Variants in PDGFC observed in about 807,000 individuals in gnomAD.
PDGFC encodes platelet derived growth factor C.
Under a neutral mutation model 35.5 loss-of-function variants are expected in PDGFC, and 12 were observed. The observed-to-expected ratio is 0.34, with a 90% CI of 0.22 to 0.55. PDGFC has a LOEUF of 0.55. PDGFC is among the 20% of genes least tolerant of loss of function. PDGFC has a pLI of 0.91. For missense variants in PDGFC, 322 were observed against 412.4 expected (o/e 0.78, Z 1.90); for synonymous variants, 159 against 148.8 (o/e 1.07, Z -0.50).
intron 1 of PDGFC, among the ~76,000 whole-genome samples, chr4:156,860,095 T>C (rs1729674480): frequency 6.6e-6 from 1 of 152,174 alleles, no homozygotes; most frequent in South Asian, 2.1e-4. Flanking sequence ...ACATATGCTT[T>C]TATTCAAAAT....
At chr4:156,864,184 A>G (rs1009723614) in intron 1 of PDGFC, among the ~76,000 whole-genome samples, 9 of 152,248 alleles carry the variant, frequency 5.9e-5, no homozygotes, top group African/African-American at 2.2e-4. Context: ...AATTTGGTGG[A>G]TAAAAAGGGT....
intron 3 of PDGFC, among the ~76,000 whole-genome samples, chr4:156,787,756 G>C (rs569802813): frequency 2.0e-4 from 30 of 152,254 alleles, no homozygotes; most frequent in African/African-American, 6.7e-4. Context: ...TGTTCGCCTA[G>C]GGTCACTGGG....
At chr4:156,831,793 A>G (rs1036984776) in intron 2 of PDGFC, among the ~76,000 whole-genome samples, 4 of 152,138 alleles carry the variant, frequency 2.6e-5, no homozygotes, top group Non-Finnish European at 5.9e-5. Flanking sequence ...TTTTAAAAAC[A>G]AGGACACTAG....
intron 1 of PDGFC, among the ~76,000 whole-genome samples, chr4:156,928,981 A>T (rs369834870): frequency 6.6e-6 from 1 of 151,454 alleles, no homozygotes; most frequent in South Asian, 2.1e-4. Flanking sequence ...AAGAAATGAT[A>T]AAGAGTATGC....
chr4:156,829,970 T>C (rs1341167681), intron 2 of PDGFC, among the ~76,000 whole-genome samples: 1 of 152,134 alleles, frequency 6.6e-6, no homozygotes. Context: ...CCACTAGTAC[T>C]ACTTCACTAA....
At chr4:156,968,232 G>A (rs1345203828) in intron 1 of PDGFC, among the ~76,000 whole-genome samples, 1 of 152,160 alleles carries the variant, frequency 6.6e-6, no homozygotes, top group African/African-American at 2.4e-5. Context: ...CAAGAAAAGA[G>A]AGTATCATGA....
At chr4:156,874,110 A>G (rs1318452873) in intron 1 of PDGFC, 2 of 152,190 alleles carry the variant, frequency 1.3e-5, no homozygotes, top group Non-Finnish European at 2.9e-5. Flanking sequence ...GCATGGTCAA[A>G]TACTAGACAT....
chr4:156,962,065 A>G (rs886444240), intron 1 of PDGFC, among the ~76,000 whole-genome samples: 1 of 152,162 alleles, frequency 6.6e-6, no homozygotes, highest in African/African-American at 2.4e-5. Flanking sequence ...AACTGAATAG[A>G]AAGGGTTTTG....
At position 156,971,768 on chromosome 4, in the gene PDGFC, T is replaced by G. The variant is rs528703047; in HGVS notation, c.-865A>C. 3.3e-5 allele frequency among the ~76,000 whole-genome samples: 5 copies of G among 151,638 alleles called. No homozygotes were observed. The highest frequency in any genetic ancestry group is 6.8e-3 in the Middle Eastern group (2 of 292). ...CCACGCCTCGGGCTCCGCGCTAACCTCGGGGCTACGCGCGGCGTCTCCGCA... is the reference window on the plus strand; with the variant it reads ...CCACGCCTCGGGCTCCGCGCTAACCGCGGGGCTACGCGCGGCGTCTCCGCA... On this transcript the variant is annotated 5_prime_UTR_variant, in exon 1 of 6. Coordinates refer to ENST00000502773, the MANE Select transcript of PDGFC (RefSeq NM_016205.3).
chr4:156,894,314 T>C (rs536695612), intron 1 of PDGFC, among the ~76,000 whole-genome samples: 93 of 152,302 alleles, frequency 6.1e-4, no homozygotes, highest in Non-Finnish European at 9.9e-4. Flanking sequence ...ATCATCTAGA[T>C]TATCATTCTA....
At chr4:156,768,435 T>C (rs1730600212) in intron 4 of PDGFC, among the ~76,000 whole-genome samples, 1 of 152,022 alleles carries the variant, frequency 6.6e-6, no homozygotes, top group East Asian at 1.9e-4. Flanking sequence ...ATACAATTAG[T>C]GAAGAACAAT....
chr4:156,823,320 T>C (rs1019618329), intron 2 of PDGFC, among the ~76,000 whole-genome samples: 2 of 152,200 alleles, frequency 1.3e-5, no homozygotes, highest in Non-Finnish European at 2.9e-5. Context: ...TCCAGACCCT[T>C]ATCTGTAAAA....
At position 156,763,255 on chromosome 4, in the gene PDGFC, T is replaced by C. The variant is rs1291025000; in HGVS notation, c.922-49A>G. The C allele has an allele frequency of 1.2e-5, 11 of 893,986 alleles. No homozygotes were observed. In the South Asian group the frequency reaches 1.5e-4, roughly 12 times the overall value. The allele number at this position is 893,986 out of a possible 1,614,324, so 55.4% of individuals were successfully genotyped here. The stretch of plus-strand genomic sequence containing the variant: ...ACTTTTAAAAATCAACGAATGTCTA[T>C]GACTGGCTTTTATAAACAAGTAACG... On this transcript the variant is annotated intron_variant, in intron 5 of 5. Coordinates refer to ENST00000502773, the MANE Select transcript of PDGFC (RefSeq NM_016205.3).
At chr4:156,942,591 T>C (rs1560884059) in intron 1 of PDGFC, among the ~76,000 whole-genome samples, 1 of 151,202 alleles carries the variant, frequency 6.6e-6, no homozygotes, top group African/African-American at 2.4e-5. Context: ...TTTGAAAAAT[T>C]CTGAGAAACA....
chr4:156,921,021 G>C (rs1731264034), intron 1 of PDGFC, among the ~76,000 whole-genome samples: 1 of 152,178 alleles, frequency 6.6e-6, no homozygotes, highest in Non-Finnish European at 1.5e-5. Flanking sequence ...TGAATGCTAT[G>C]AATGTGACTA....
intron 3 of PDGFC, among the ~76,000 whole-genome samples, chr4:156,793,481 C>A (rs1731350923): frequency 1.4e-5 from 2 of 145,750 alleles, no homozygotes; most frequent in African/African-American, 5.0e-5. Flanking sequence ...GAAAAAAAAA[C>A]AATTTCATAT....
chr4:156,861,492 G>T, intron 1 of PDGFC: 2 of 1,209,864 alleles, frequency 1.7e-6, no homozygotes, highest in Non-Finnish European at 2.2e-6. Context: ...GTTCCTACCT[G>T]CCAGTAGATG....
chr4:156,817,621 CCT>C (rs1461043735), intron 2 of PDGFC, among the ~76,000 whole-genome samples: 21 of 152,038 alleles, frequency 1.4e-4, no homozygotes, highest in Non-Finnish European at 2.9e-5. Flanking sequence ...ACCCTGTCTC[CCT>C]CTCTCTTTTA....
intron 3 of PDGFC, among the ~76,000 whole-genome samples, chr4:156,803,482 GA>G (rs1731671210): frequency 6.6e-6 from 1 of 152,080 alleles, no homozygotes; most frequent in African/African-American, 2.4e-5. Flanking sequence ...GACAGAAAGT[GA>G]AAGATGGCTT....
Sources: allele counts gnomAD v4.1 joint callset (sites outside exome capture counted in the v4.1 genomes callset), GRCh38; gene constraint gnomAD v4.1.1; transcripts MANE v1.5; gene names NCBI Gene and HGNC (gene_info 2026-07-23, HGNC 2026-07-21).